The following PIAS2 variants were observed in gnomAD, a reference collection of about 807,000 sequenced individuals.
The protein encoded by PIAS2 is protein inhibitor of activated STAT 2.
A neutral mutation model predicts 69.7 loss-of-function variants in PIAS2; 19 were observed. The ratio of observed to expected loss-of-function variants is 0.27; its 90% CI spans 0.19 to 0.40. The LOEUF (loss-of-function observed/expected upper bound fraction) is 0.40. Among genes scored for constraint, PIAS2 ranks in the 10% least tolerant of loss-of-function variants. The probability of loss-of-function intolerance (pLI) is 1.00; values close to 1 mark genes in which losing one functional copy is unlikely to be tolerated. For missense variants in PIAS2, 624 were observed against 757.0 expected, an observed-to-expected ratio of 0.82 and a Z score of 2.06; for synonymous variants, 261 against 263.2, an observed-to-expected ratio of 0.99 and a Z score of 0.08.
chr18:46,878,165 G>A (rs909178487), intron 2 of PIAS2, among the ~76,000 whole-genome samples: 2 of 152,006 alleles, frequency 1.3e-5, no homozygotes, highest in African/African-American at 4.8e-5. Flanking sequence ...AAGTTATTTA[G>A]GAAATTTACA....
intron 11 of PIAS2, among the ~76,000 whole-genome samples, chr18:46,821,526 G>C (rs1223683139): frequency 3.3e-5 from 5 of 152,118 alleles, no homozygotes; most frequent in Non-Finnish European, 2.9e-5. Flanking sequence ...ATTTCTTCAA[G>C]TCTAACTCGA....
rs2045605208 is a variant in PIAS2, at chr18:46,842,718, T to C, written c.1041+1336A>G. On this transcript the variant is annotated intron_variant, in intron 8 of 13. Coordinates refer to ENST00000585916, the MANE Select transcript of PIAS2 (RefSeq NM_004671.5). ...GAAGATACTGAAAAGAACTCATGCC[T>C]GAAGGTTTGCATAGAGCCTGCACTC... 2.6e-5 allele frequency among the ~76,000 whole-genome samples: 4 copies of C among 152,184 alleles called. No individual in the cohort carries two copies. In the South Asian group the frequency reaches 8.3e-4, roughly 32 times the overall value.
intron 1 of PIAS2, among the ~76,000 whole-genome samples, chr18:46,911,672 G>C (rs2057281122): frequency 1.3e-5 from 2 of 152,194 alleles, no homozygotes; most frequent in South Asian, 4.1e-4. Flanking sequence ...TTTTCCTGCA[G>C]AAGCACAGAA....
At chr18:46,892,639 G>C (rs552897107) in intron 1 of PIAS2, among the ~76,000 whole-genome samples, 6 of 151,850 alleles carry the variant, frequency 4.0e-5, no homozygotes, top group Non-Finnish European at 7.4e-5. Flanking sequence ...AGCCATGGTG[G>C]TGTGTGTGCC....
At chr18:46,855,456 A>G (rs1568538808) in intron 4 of PIAS2, 21 bp from the exon 5 acceptor site, 1 of 1,595,146 alleles carries the variant, frequency 6.3e-7, no homozygotes, top group East Asian at 2.2e-5. Context: ...AAAAGAAAAA[A>G]GTATTCTTAA....
chr18:46,895,352 G>A (rs2054680068), intron 1 of PIAS2, among the ~76,000 whole-genome samples: 1 of 152,050 alleles, frequency 6.6e-6, no homozygotes, highest in Non-Finnish European at 1.5e-5. Flanking sequence ...TATTAATATT[G>A]CCTACTCCAG....
intron 9 of PIAS2, among the ~76,000 whole-genome samples, chr18:46,830,643 AAC>A (rs2043476904): frequency 6.6e-6 from 1 of 152,086 alleles, no homozygotes; most frequent in Non-Finnish European, 1.5e-5. Flanking sequence ...AAAAAAGAAA[AAC>A]AGAAAAATCA....
chr18:46,842,131 TG>T (rs1306858285), intron 8 of PIAS2, among the ~76,000 whole-genome samples: 2 of 151,602 alleles, frequency 1.3e-5, no homozygotes, highest in African/African-American at 4.8e-5. Context: ...GAGGCTGAGA[TG>T]GGAAGATCAC....
intron 2 of PIAS2, among the ~76,000 whole-genome samples, chr18:46,886,799 C>A (rs1286427401): frequency 6.6e-6 from 1 of 152,132 alleles, no homozygotes; most frequent in Non-Finnish European, 1.5e-5. Context: ...GACAGCGCCA[C>A]CGCCCTCCAT....
intron 11 of PIAS2, among the ~76,000 whole-genome samples, chr18:46,823,898 CA>C (rs2042484301): frequency 6.6e-6 from 1 of 151,752 alleles, no homozygotes; most frequent in Non-Finnish European, 1.5e-5. Flanking sequence ...AAAGCCTATG[CA>C]AAAAATAGAT....
At chr18:46,913,094 T>C (rs918313716) in intron 1 of PIAS2, among the ~76,000 whole-genome samples, 1 of 152,206 alleles carries the variant, frequency 6.6e-6, no homozygotes, top group African/African-American at 2.4e-5. Flanking sequence ...TTGAATCATA[T>C]GGAAGATTCT....
At chr18:46,866,782 T>A (rs1036508400) in intron 2 of PIAS2, among the ~76,000 whole-genome samples, 4 of 152,174 alleles carry the variant, frequency 2.6e-5, no homozygotes, top group Admixed American at 6.5e-5. Flanking sequence ...TTTTTTCTGA[T>A]AAACCTGAAA....
chr18:46,863,504 G>T (rs542505739), intron 3 of PIAS2, among the ~76,000 whole-genome samples: 1 of 152,078 alleles, frequency 6.6e-6, no homozygotes, highest in South Asian at 2.1e-4. Flanking sequence ...TCACCATGTT[G>T]CCCAGGCTGG....
In PIAS2 at chr18:46,804,456, T is replaced by C. The variant is rs950539399; in HGVS notation, c.*7977A>G. On this transcript the variant is annotated 3_prime_UTR_variant, in exon 14 of 14. Coordinates refer to ENST00000585916, the MANE Select transcript of PIAS2 (RefSeq NM_004671.5). ...AGAATCTGTTTCCACATTTGTAATA[T>C]GGAGATAATCATGCCAAACTCAACA... The C allele has an allele frequency of 1.3e-5, 2 of 152,214 alleles. No homozygotes were observed. The highest frequency in any genetic ancestry group is 6.5e-5 in the Admixed American group (1 of 15,288). The allele number at this position is 152,214 out of a possible 1,614,324, so 9.4% of individuals were successfully genotyped here.
chr18:46,842,539 C>T (rs73437129), intron 8 of PIAS2, among the ~76,000 whole-genome samples: 3,028 of 152,236 alleles, frequency 0.02, 101 homozygotes, highest in African/African-American at 0.069. Flanking sequence ...TGGAATAGAG[C>T]TGGCAATTAA....
intron 8 of PIAS2, among the ~76,000 whole-genome samples, chr18:46,839,212 A>G (rs1333789616): frequency 1.3e-5 from 2 of 152,168 alleles, no homozygotes; most frequent in Non-Finnish European, 2.9e-5. Context: ...CACTATACCT[A>G]TTCAACAAAA....
At chr18:46,824,334 A>G (rs186449498) in intron 11 of PIAS2, among the ~76,000 whole-genome samples, 2 of 152,276 alleles carry the variant, frequency 1.3e-5, no homozygotes, top group East Asian at 3.9e-4. Flanking sequence ...TTTGCTACCA[A>G]TTCTTAATGA....
In PIAS2 at chr18:46,845,735, AT is replaced by A. The variant is rs527678567; in HGVS notation, c.862-897del. ...AGCTGCCAAACCAAGTATTTTAAAT[AT>A]TTTTTAATGTTCTTTTAGATATCTA... is the stretch of plus-strand genomic sequence containing the variant. On this transcript the variant is annotated intron_variant, in intron 6 of 13. Transcript: ENST00000585916. 3.2e-3 allele frequency among the ~76,000 whole-genome samples: 494 copies of A among 152,224 alleles called. 3 individuals carry two copies. The highest frequency in any genetic ancestry group is 5.5e-3 in the Non-Finnish European group (374 of 67,988).
chr18:46,872,830 C>T (rs964974381), intron 2 of PIAS2, among the ~76,000 whole-genome samples: 2 of 152,174 alleles, frequency 1.3e-5, no homozygotes, highest in African/African-American at 4.8e-5. Context: ...ACCTGAAGCT[C>T]ACCCAGGAAA....
Sources: gnomAD v4.1 joint callset for allele counts (sites outside exome capture counted in the v4.1 genomes callset) on GRCh38, gnomAD v4.1.1 for gene constraint, MANE v1.5 for transcripts, NCBI Gene and HGNC (gene_info 2026-07-23, HGNC 2026-07-21) for gene names.